Variants in AFAP1L2 observed in about 807,000 individuals in gnomAD.
AFAP1L2 encodes the protein actin filament associated protein 1 like 2, also known as actin filament-associated protein 1-like 2.
Under a neutral mutation model 99.3 loss-of-function variants are expected in AFAP1L2, and 46 were observed. That is an observed-to-expected ratio of 0.46 (90% CI 0.37 to 0.59). The LOEUF (loss-of-function observed/expected upper bound fraction) is 0.59. Among genes scored for constraint, AFAP1L2 ranks in the 20% least tolerant of loss-of-function variants. AFAP1L2 has a pLI of 0.00. For synonymous variants in AFAP1L2, 397 were observed against 419.1 expected, an observed-to-expected ratio of 0.95 and a Z score of 0.64; for missense variants, 959 against 1,034.9, an observed-to-expected ratio of 0.93 and a Z score of 1.01.
At chr10:114,399,964 G>A (rs1381890742) in intron 1 of AFAP1L2, among the ~76,000 whole-genome samples, 1 of 152,150 alleles carries the variant, frequency 6.6e-6, no homozygotes, top group Non-Finnish European at 1.5e-5. Context: ...TTTCCAGATG[G>A]GGAAACTGAG....
At chr10:114,324,141 C>T (rs1238357151) in intron 4 of AFAP1L2, among the ~76,000 whole-genome samples, 1 of 152,222 alleles carries the variant, frequency 6.6e-6, no homozygotes, top group Non-Finnish European at 1.5e-5. Flanking sequence ...AATAAGCTAC[C>T]TTTATAAACA....
intron 7 of AFAP1L2, among the ~76,000 whole-genome samples, chr10:114,311,397 G>A (rs1044276740): frequency 6.6e-6 from 1 of 152,236 alleles, no homozygotes; most frequent in Admixed American, 6.5e-5. Context: ...TCTATGCCTA[G>A]AGCAGTTTGT....
chr10:114,290,268 A>T, downstream of AFAP1L2: 1 of 1,550,522 alleles, frequency 6.4e-7, no homozygotes, highest in Non-Finnish European at 8.7e-7. Flanking sequence ...ACCTCTGCAA[A>T]CCCAGCCCGT....
At chr10:114,331,975 G>T (rs2047306933) in intron 3 of AFAP1L2, 78 bp from the exon 4 acceptor site, 6 of 929,402 alleles carry the variant, frequency 6.5e-6, no homozygotes, top group Non-Finnish European at 8.6e-6. Flanking sequence ...GGAATGCCCG[G>T]TCACATGCAC....
chr10:114,322,025 T>C (rs576119043), intron 5 of AFAP1L2, among the ~76,000 whole-genome samples: 1 of 152,318 alleles, frequency 6.6e-6, no homozygotes, highest in South Asian at 2.1e-4. Context: ...GTCTTTCCCA[T>C]GCTGTTCTCG....
At chr10:114,290,503 C>T, downstream of AFAP1L2, 1 of 1,223,816 alleles carries the variant, frequency 8.2e-7, no homozygotes, top group Non-Finnish European at 1.1e-6. Flanking sequence ...ACCCACGAAA[C>T]ATTTAGTGAG....
At chr10:114,330,517 C>G (rs1274435281) in intron 4 of AFAP1L2, among the ~76,000 whole-genome samples, 1 of 152,228 alleles carries the variant, frequency 6.6e-6, no homozygotes, top group Non-Finnish European at 1.5e-5. Flanking sequence ...CCACTTACCT[C>G]ACTGAATACT....
the AFAP1L2 span, chr10:114,289,393 C>A: frequency 1.2e-6 from 2 of 1,614,208 alleles, no homozygotes; most frequent in African/African-American, 1.3e-5. Flanking sequence ...TGAGGGTCTG[C>A]GGAGGCTTGC....
At chr10:114,291,485 G>T (rs2039594665), downstream of AFAP1L2, 1 of 510,184 alleles carries the variant, frequency 2.0e-6, no homozygotes, top group Non-Finnish European at 3.4e-6. Flanking sequence ...GAAAAGTTTT[G>T]ATGTGTAAGT....
At chr10:114,333,032 G>A (rs1466712099) in intron 3 of AFAP1L2, among the ~76,000 whole-genome samples, 189 bp downstream of exon 3, 1 of 152,184 alleles carries the variant, frequency 6.6e-6, no homozygotes, top group Non-Finnish European at 1.5e-5. Flanking sequence ...GGAAGGGGTG[G>A]CCTGTTGAAA....
At position 114,340,107 on chromosome 10, in the gene AFAP1L2, G is replaced by A. The variant is rs184342163; in HGVS notation, c.145+496C>T. ...GCACTTTGAGGGGCCCAGGCAGGGCGGATAGCTTGAGCCCAGGAGCTCAAG... is the reference window on the plus strand; with the variant it reads ...GCACTTTGAGGGGCCCAGGCAGGGCAGATAGCTTGAGCCCAGGAGCTCAAG... On this transcript the variant is annotated intron_variant, in intron 2 of 18. Transcript: ENST00000304129. Among the ~76,000 whole-genome samples the A allele has an allele frequency of 1.0e-3, 154 of 151,572 alleles. 1 individual carries two copies. Among genetic ancestry groups the A allele is most frequent in the Middle Eastern group, 3.4e-3 (1 of 294 alleles).
chr10:114,335,190 T>C lies in AFAP1L2; in HGVS notation c.146-1895A>G, dbSNP rs183790087. Among the ~76,000 whole-genome samples the C allele has an allele frequency of 2.0e-3, 311 of 152,328 alleles. 1 individual carries two copies. The highest frequency in any genetic ancestry group is 7.2e-3 in the African/African-American group (299 of 41,578). On this transcript the variant is annotated intron_variant, in intron 2 of 18. Coordinates refer to ENST00000304129, the MANE Select transcript of AFAP1L2 (RefSeq NM_001001936.3). Reference sequence around the variant, plus strand: ...GATGATTTTGGAGGATACATTTTTGTGTTCATATTCTTTGACCCAGCATTT... The same window carrying C: ...GATGATTTTGGAGGATACATTTTTGCGTTCATATTCTTTGACCCAGCATTT...
intron 4 of AFAP1L2, among the ~76,000 whole-genome samples, chr10:114,324,396 A>AACCCCCCCCC (rs2045889580): frequency 7.9e-6 from 1 of 126,442 alleles, no homozygotes; most frequent in African/African-American, 3.7e-5. Flanking sequence ...GGGGTGCACC[A>AACCCCCCCCC]CCCCCCCCCC....
chr10:114,296,779 G>C, intron 18 of AFAP1L2, 199 bp downstream of exon 18: 1 of 772,058 alleles, frequency 1.3e-6, no homozygotes, highest in East Asian at 3.1e-5. Context: ...CTCGAACCAA[G>C]TGCAGACACC....
chr10:114,292,032 C>T (rs761981391), downstream of AFAP1L2, among the ~76,000 whole-genome samples: 4 of 152,146 alleles, frequency 2.6e-5, no homozygotes, highest in Admixed American at 6.5e-5. Flanking sequence ...AATCCCAGCA[C>T]TTTGGAGGCT....
chr10:114,332,755 C>A (rs1359502370), intron 3 of AFAP1L2, among the ~76,000 whole-genome samples: 2 of 152,210 alleles, frequency 1.3e-5, no homozygotes, highest in Non-Finnish European at 2.9e-5. Flanking sequence ...AAACATATGT[C>A]CTTCCCATGG....
At chr10:114,282,872 A>G in the AFAP1L2 span, among the ~76,000 whole-genome samples, 2 of 152,204 alleles carry the variant, frequency 1.3e-5, no homozygotes, top group African/African-American at 4.8e-5. Flanking sequence ...GCCAGCACCA[A>G]ACTCAGGGCA....
chr10:114,325,666 AG>A (rs2046158317), intron 4 of AFAP1L2, among the ~76,000 whole-genome samples: 1 of 152,242 alleles, frequency 6.6e-6, no homozygotes, highest in Non-Finnish European at 1.5e-5. Context: ...CCTGGCAGCC[AG>A]GCCCTAGCAG....
intron 1 of AFAP1L2, chr10:114,393,615 G>A (rs544970236): frequency 6.6e-6 from 1 of 152,348 alleles, no homozygotes; most frequent in Admixed American, 6.5e-5. Flanking sequence ...TGGAATGGGA[G>A]AGTGAGTCAG....
Sources: gnomAD v4.1 joint callset for allele counts (sites outside exome capture counted in the v4.1 genomes callset) on GRCh38, gnomAD v4.1.1 for gene constraint, MANE v1.5 for transcripts, NCBI Gene and HGNC (gene_info 2026-07-23, HGNC 2026-07-21) for gene names.